Variants in CD99 observed in about 807,000 individuals in gnomAD.
CD99 encodes CD99 antigen.
In CD99, 19 loss-of-function variants were observed where a neutral mutation model predicts 28.4. The ratio of observed to expected loss-of-function variants is 0.67; its 90% CI spans 0.47 to 0.98. CD99 has a LOEUF of 0.98. Among genes scored for constraint, CD99 ranks in the 50% least tolerant of loss-of-function variants. CD99 has a pLI of 0.00. For synonymous variants in CD99, 103 were observed against 92.1 expected (o/e 1.12, Z -0.67); for missense variants, 283 against 248.8 (o/e 1.14, Z -0.92).
intron 1 of CD99, among the ~76,000 whole-genome samples, chrX:2,711,154 A>G (rs1198527488): frequency 6.7e-6 from 1 of 149,964 alleles, no homozygotes; most frequent in Non-Finnish European, 1.5e-5. Flanking sequence ...TACAGGTGTG[A>G]GCCACCGCAC....
chrX:2,696,376 G>C (rs996410078), intron 1 of CD99, among the ~76,000 whole-genome samples: 1 of 152,032 alleles, frequency 6.6e-6, no homozygotes, highest in African/African-American at 2.4e-5. Context: ...TCCAGGGCTT[G>C]AGGATTTGCT....
chrX:2,691,563 GC>G, intron 1 of CD99, 136 bp downstream of exon 1: 1 of 938,948 alleles, frequency 1.1e-6, no homozygotes, highest in Non-Finnish European at 1.7e-6. Flanking sequence ...GACGCGCTGT[GC>G]CCACGGGGGC....
At chrX:2,727,964 G>A (rs1032101307) in intron 8 of CD99, among the ~76,000 whole-genome samples, 3 of 152,182 alleles carry the variant, frequency 2.0e-5, no homozygotes, top group African/African-American at 7.2e-5. Context: ...TGTGGACAAA[G>A]TTAGACTGTA....
intron 1 of CD99, chrX:2,692,113 C>A: frequency 1.7e-6 from 1 of 596,700 alleles, no homozygotes; most frequent in Non-Finnish European, 3.0e-6. Context: ...AAGAAAGAGC[C>A]ACGGTCACCC....
rs73630846 is a variant in CD99 at position 2,741,164 on chromosome X, A to T, written c.*360A>T. 3.6e-3 allele frequency: 1,110 copies of T among 305,234 alleles called. 15 individuals are homozygous for T. Among genetic ancestry groups the T allele is most frequent in the African/African-American group, 0.022 (1,032 of 46,958 alleles). The allele number at this position is 305,234 out of a possible 1,614,324, so 18.9% of individuals were successfully genotyped here. A position where few individuals can be genotyped will look rare whatever the true frequency, so the allele number is the denominator to read the frequency against. On this transcript the variant is annotated 3_prime_UTR_variant, in exon 10 of 10. Coordinates refer to ENST00000381192, the MANE Select transcript of CD99 (RefSeq NM_002414.5). ...TTGGCTGTTTACAAATCACGTGTCC[A>T]TCGAGCACGTCTGAAACCCCTGGTA...
rs1456387172 is a variant in CD99, at chrX:2,702,434, T to C, written c.67+11007T>C. Among the ~76,000 whole-genome samples, 5 of 152,102 alleles carry C rather than the reference T, an allele frequency of 3.3e-5. No homozygotes were observed. In the East Asian group the frequency reaches 9.6e-4, roughly 29 times the overall value. ...AAATTTTCTGAGAAAGACAATGATATATTTTGGACACCATGAGAAATACTG... is the reference window on the plus strand; with the variant it reads ...AAATTTTCTGAGAAAGACAATGATACATTTTGGACACCATGAGAAATACTG... On this transcript the variant is annotated intron_variant, in intron 1 of 9. Transcript: ENST00000381192.
Position 2,739,255 on chromosome X carries a change from AAGGC to A in CD99, c.532+1005_532+1008del, listed in dbSNP as rs2050090438. Among the ~76,000 whole-genome samples the A allele has an allele frequency of 4.6e-5, 7 of 152,256 alleles. No homozygotes were observed. The South Asian group carries it at 1.5e-3, about 32-fold the overall frequency. On this transcript the variant is annotated intron_variant, in intron 9 of 9. Coordinates refer to ENST00000381192, the MANE Select transcript of CD99 (RefSeq NM_002414.5). Reference sequence around the variant, plus strand: ...ATTCGTGAGAAACTTCTCAGGGTAAAAGGCAGGCATTTTGCCATCAGAACCACTT... The same window carrying A: ...ATTCGTGAGAAACTTCTCAGGGTAAAAGGCATTTTGCCATCAGAACCACTT...
chrX:2,736,337 G>A (rs978552008), intron 8 of CD99, among the ~76,000 whole-genome samples: 1 of 152,072 alleles, frequency 6.6e-6, no homozygotes, highest in African/African-American at 2.4e-5. Flanking sequence ...GGAAACGCAT[G>A]GCCACAGATT....
rs772364933 is a variant in CD99 at position 2,724,662 on chromosome X, C to T, written c.361+1298C>T. Among the ~76,000 whole-genome samples the T allele has an allele frequency of 3.8e-4, 57 of 151,402 alleles. No homozygotes were observed. In the South Asian group the frequency reaches 5.5e-3, roughly 14 times the overall value. On this transcript the variant is annotated intron_variant, in intron 7 of 9. Transcript: ENST00000381192. ...GCTCACACCTGTAATCCTAGCACTT[C>T]GGGAGGCCAAGGTGGGTGGATCACT...
chrX:2,693,222 C>T (rs2047417177), intron 1 of CD99, among the ~76,000 whole-genome samples: 1 of 150,772 alleles, frequency 6.6e-6, no homozygotes, highest in East Asian at 2.0e-4. Context: ...GGCTCATTGG[C>T]GTTGCACAGT....
Position 2,720,821 on chromosome X carries a change from TG to T in CD99, c.262+398del, listed in dbSNP as rs1298498914. On this transcript the variant is annotated intron_variant, in intron 5 of 9. Transcript: ENST00000381192. ...TGTATTTTTAGTAGAGACAGGGTTT[TG>T]CCATGTTGGCCAGGCTGGTCTTGAA... Among the ~76,000 whole-genome samples the T allele has an allele frequency of 5.3e-5, 8 of 152,048 alleles. No individual in the cohort carries two copies. In the South Asian group the frequency reaches 8.3e-4, roughly 16 times the overall value.
intron 1 of CD99, among the ~76,000 whole-genome samples, chrX:2,712,858 C>T (rs181219473): frequency 2.0e-5 from 3 of 152,102 alleles, no homozygotes; most frequent in South Asian, 2.1e-4. Context: ...ACACTATACT[C>T]ACCTACCCAT....
At chrX:2,696,041 A>G (rs5982829) in intron 1 of CD99, among the ~76,000 whole-genome samples, 88,876 of 152,082 alleles carry the variant, frequency 0.58, 27,007 homozygotes, top group Middle Eastern at 0.69. Flanking sequence ...TTGATACATG[A>G]GAGATACCTA....
intron 1 of CD99, 97 bp from the exon 2 acceptor site, chrX:2,714,325 C>T: frequency 9.7e-7 from 1 of 1,026,314 alleles, no homozygotes; most frequent in Non-Finnish European, 1.4e-6. Context: ...TTTTAAATAT[C>T]ACAAAAAGAA....
chrX:2,734,596 TG>T (rs1232019573), intron 8 of CD99, among the ~76,000 whole-genome samples: 1 of 151,724 alleles, frequency 6.6e-6, no homozygotes, highest in African/African-American at 2.4e-5. Context: ...TGTGAGCCAC[TG>T]TGCCTGGCCC....
At chrX:2,710,496 T>C in intron 1 of CD99, among the ~76,000 whole-genome samples, 1 of 121,802 alleles carries the variant, frequency 8.2e-6, no homozygotes, top group East Asian at 3.0e-4. Flanking sequence ...ATATCTGTAC[T>C]TTACTTTCAC....
intron 9 of CD99, among the ~76,000 whole-genome samples, chrX:2,739,908 T>A (rs1376159546): frequency 3.1e-4 from 42 of 135,930 alleles, no homozygotes; most frequent in Admixed American, 1.7e-3. Context: ...AAACCACGTC[T>A]CTACTAAAAA....
chrX:2,715,875 A>G (rs1381232261), intron 2 of CD99, among the ~76,000 whole-genome samples: 2 of 152,166 alleles, frequency 1.3e-5, no homozygotes, highest in African/African-American at 4.8e-5. Flanking sequence ...ACCAGTCATT[A>G]GGACCTATCC....
chrX:2,704,378 G>T (rs1344936669), intron 1 of CD99, among the ~76,000 whole-genome samples: 2 of 151,926 alleles, frequency 1.3e-5, no homozygotes, highest in African/African-American at 4.8e-5. Flanking sequence ...TTAGGCCACC[G>T]CAGACAAGGA....
Sources: allele counts gnomAD v4.1 joint callset (sites outside exome capture counted in the v4.1 genomes callset), GRCh38; gene constraint gnomAD v4.1.1; transcripts MANE v1.5; gene names NCBI Gene and HGNC (gene_info 2026-07-23, HGNC 2026-07-21).